The following C1orf52 variants were observed in gnomAD, a reference collection of about 807,000 sequenced individuals.
The protein encoded by C1orf52 is UPF0690 protein C1orf52.
Under a neutral mutation model 17.2 loss-of-function variants are expected in C1orf52, and 5 were observed. That is an observed-to-expected ratio of 0.29 (90% CI 0.15 to 0.61). The LOEUF is 0.61. Among genes scored for constraint, C1orf52 ranks in the 20% least tolerant of loss-of-function variants. C1orf52 has a pLI of 0.85. For synonymous variants in C1orf52, 110 were observed against 88.0 expected (o/e 1.25, Z -1.40); for missense variants, 245 against 234.1 (o/e 1.05, Z -0.30).
At position 85,252,261 on chromosome 1, in the gene C1orf52, CT is replaced by C; in HGVS notation, c.*367del. On this transcript the variant is annotated 3_prime_UTR_variant, in exon 3 of 3. Transcript: ENST00000471115. ...TGTACAAAGACTGTTGAAAAGCACC[CT>C]ACAAGTTCACAGTACATTACAATAT... The C allele has an allele frequency of 5.0e-6, 1 of 199,496 alleles. No individual in the cohort carries two copies. 12.4% of individuals were successfully genotyped at this position (199,496 alleles called of 1,614,324 possible).
intron 2 of C1orf52, among the ~76,000 whole-genome samples, chr1:85,254,351 A>C (rs935837621): frequency 3.3e-5 from 5 of 152,154 alleles, no homozygotes; most frequent in African/African-American, 9.7e-5. Context: ...TGGCTCCACA[A>C]ACCAAATAAC....
chr1:85,257,333 T>C, intron 2 of C1orf52: 1 of 640,008 alleles, frequency 1.6e-6, no homozygotes, highest in South Asian at 1.8e-5. Flanking sequence ...ACCTGAGATT[T>C]CTTCTTTTGA....
At chr1:85,259,110 G>C (rs1660023093) in intron 1 of C1orf52, 10 of 1,341,470 alleles carry the variant, frequency 7.5e-6, no homozygotes, top group South Asian at 3.3e-5. Flanking sequence ...CTCGCCGCGC[G>C]GGGTCGGGGC....
At chr1:85,256,814 A>AAAAAAAAAAAG (rs1553178011) in intron 2 of C1orf52, among the ~76,000 whole-genome samples, 54 of 108,182 alleles carry the variant, frequency 5.0e-4, no homozygotes, top group African/African-American at 6.6e-4. Context: ...AAAAAAAAAA[A>AAAAAAAAAAAG]AAAAGAAAAG....
chr1:85,259,393 C>G lies in C1orf52; in HGVS notation c.241G>C (p.Asp81His), dbSNP rs1258214936. 4 of 1,613,880 alleles carry G rather than the reference C, an allele frequency of 2.5e-6. No homozygotes were observed. In the East Asian group the frequency reaches 8.9e-5, roughly 36 times the overall value. ...GCCTTGACGACGTGCCTCTCCCAGT[C>G]TATCTGTTTGTTGAGCGGATTGTAG... ...FLYNPLNKQI[D>H]WERHVVKAPE... Residue 81 changes from aspartate (D) to histidine (H), a missense_variant, in exon 1 of 3, where the codon GAC becomes CAC. By Grantham distance (81) the Asp-to-His change is moderately conservative. Coordinates refer to ENST00000471115, the MANE Select transcript of C1orf52 (RefSeq NM_198077.4).
In C1orf52 at chr1:85,251,006, C is replaced by T. The variant is rs899779972; in HGVS notation, c.*1623G>A. ...GCTATAGAATTGGTTTTTCTAAACT[C>T]GATGATATACTGGAAGCCATCATGC... is the stretch of plus-strand genomic sequence containing the variant. On this transcript the variant is annotated 3_prime_UTR_variant, in exon 3 of 3. Coordinates refer to ENST00000471115, the MANE Select transcript of C1orf52 (RefSeq NM_198077.4). 5 of 152,238 alleles carry T rather than the reference C, an allele frequency of 3.3e-5. No homozygotes were observed. The highest frequency in any genetic ancestry group is 3.9e-4 in the East Asian group (2 of 5,186). 9.4% of individuals were successfully genotyped at this position (152,238 alleles called of 1,614,324 possible). A position where few individuals can be genotyped will look rare whatever the true frequency, so the allele number is the denominator to read the frequency against.
intron 2 of C1orf52, among the ~76,000 whole-genome samples, chr1:85,256,675 T>C (rs868023042): frequency 2.0e-5 from 3 of 151,706 alleles, no homozygotes; most frequent in Non-Finnish European, 4.4e-5. Context: ...GGCAGGCACC[T>C]GCAGTCCCAG....
chr1:85,256,814 A>AAAAG (rs558555225), intron 2 of C1orf52, among the ~76,000 whole-genome samples: 24,976 of 104,636 alleles, frequency 0.24, 2,090 homozygotes, highest in Middle Eastern at 0.27. Context: ...AAAAAAAAAA[A>AAAAG]AAAAGAAAAG....
rs201037183 is a variant in C1orf52 at position 85,252,625 on chromosome 1, G to C, written c.*4C>G. On this transcript the variant is annotated 3_prime_UTR_variant, in exon 3 of 3. Transcript: ENST00000471115. ...AGCAGTACAGAAATTCTGGTCATTT[G>C]TTTCTACTTTTTCTTCTTTGCTGGT... is the stretch of plus-strand genomic sequence containing the variant. The C allele has an allele frequency of 2.6e-5, 42 of 1,612,250 alleles. No homozygotes were observed. The East Asian group carries it at 9.4e-4, about 36-fold the overall frequency.
rs144633752 is a variant in C1orf52, at chr1:85,255,916, G to A, written c.475+2608C>T. On this transcript the variant is annotated intron_variant, in intron 2 of 2. Transcript: ENST00000471115. ...ACAGAAATTATCTATGTGAATAGCA[G>A]TGTTACCTGCCACATATTTGGAACT... 3.0e-3 allele frequency among the ~76,000 whole-genome samples: 459 copies of A among 152,338 alleles called. 2 individuals carry two copies. Among genetic ancestry groups the A allele is most frequent in the African/African-American group, 0.011 (441 of 41,574 alleles).
At position 85,251,805 on chromosome 1, in the gene C1orf52, C is replaced by T. The variant is rs917621320; in HGVS notation, c.*824G>A. ...CAGGAGAGGAAAAGATCTCTACTAA[C>T]GGATCTCCAGGTACAACAGAAAAAA... On this transcript the variant is annotated 3_prime_UTR_variant, in exon 3 of 3. Coordinates refer to ENST00000471115, the MANE Select transcript of C1orf52 (RefSeq NM_198077.4). The T allele has an allele frequency of 1.3e-5, 2 of 152,146 alleles. No individual in the cohort carries two copies. The highest frequency in any genetic ancestry group is 4.8e-5 in the African/African-American group (2 of 41,426). 9.4% of individuals were successfully genotyped at this position (152,146 alleles called of 1,614,324 possible).
chr1:85,250,603 G>C lies in C1orf52; in HGVS notation c.*2026C>G, dbSNP rs893708448. 6.6e-6 allele frequency: 1 copy of C among 152,188 alleles called. No homozygotes were observed. The highest frequency in any genetic ancestry group is 1.5e-5 in the Non-Finnish European group (1 of 68,018). 9.4% of individuals were successfully genotyped at this position (152,188 alleles called of 1,614,324 possible). A position where few individuals can be genotyped will look rare whatever the true frequency, so the allele number is the denominator to read the frequency against. ...CCAAAATATTTAGCCTCTTCCCTAAGTCCTGTCTTCCTCCTCATACAACAT... is the reference window on the plus strand; with the variant it reads ...CCAAAATATTTAGCCTCTTCCCTAACTCCTGTCTTCCTCCTCATACAACAT... On this transcript the variant is annotated 3_prime_UTR_variant, in exon 3 of 3. Transcript: ENST00000471115.
At chr1:85,259,237 T>G in intron 1 of C1orf52, 121 bp downstream of exon 1, 1 of 1,168,222 alleles carries the variant, frequency 8.6e-7, no homozygotes, top group Non-Finnish European at 1.1e-6. Flanking sequence ...GAGGGGGTGG[T>G]GCGGCATCCC....
In C1orf52 at chr1:85,252,477, C is replaced by A. The variant is rs12068494; in HGVS notation, c.*152G>T. 1 of 608,274 alleles carries A rather than the reference C, an allele frequency of 1.6e-6. No homozygotes were observed. Among genetic ancestry groups the A allele is most frequent in the Non-Finnish European group, 2.9e-6 (1 of 348,646 alleles). The allele number at this position is 608,274 out of a possible 1,614,324, so 37.7% of individuals were successfully genotyped here. A position where few individuals can be genotyped will look rare whatever the true frequency, so the allele number is the denominator to read the frequency against. ...ACATGTTTTAAATAAAAAAAGAATT[C>A]TATAGTGGAAAGTTCTTGAGGCAAT... On this transcript the variant is annotated 3_prime_UTR_variant, in exon 3 of 3. Transcript: ENST00000471115.
rs1299303693 is a variant in C1orf52, at chr1:85,250,477, A to C, written c.*2152T>G. On this transcript the variant is annotated 3_prime_UTR_variant, in exon 3 of 3. Transcript: ENST00000471115. The stretch of plus-strand genomic sequence containing the variant: ...GCAAACACGTTCCCAGGACATCTCT[A>C]AAGGGGAAAATAATCTATTCTCTAA... 2.0e-5 allele frequency: 3 copies of C among 152,172 alleles called. No individual in the cohort carries two copies. Among genetic ancestry groups the C allele is most frequent in the African/African-American group, 7.2e-5 (3 of 41,420 alleles). The allele number at this position is 152,172 out of a possible 1,614,324, so 9.4% of individuals were successfully genotyped here.
chr1:85,254,489 TCA>T (rs1659879299), intron 2 of C1orf52, among the ~76,000 whole-genome samples: 1 of 152,074 alleles, frequency 6.6e-6, no homozygotes, highest in Non-Finnish European at 1.5e-5. Flanking sequence ...CCTCCCAGGT[TCA>T]CGCCATTCTC....
At position 85,251,982 on chromosome 1, in the gene C1orf52, C is replaced by G. The variant is rs946077946; in HGVS notation, c.*647G>C. 1 of 152,176 alleles carries G rather than the reference C, an allele frequency of 6.6e-6. No individual in the cohort carries two copies. Among genetic ancestry groups the G allele is most frequent in the Admixed American group, 6.5e-5 (1 of 15,282 alleles). 9.4% of individuals were successfully genotyped at this position (152,176 alleles called of 1,614,324 possible). ...CACTAGCTGTGTAACATCAGACAAG[C>G]TACTCAAGCACTCTTTATTATAAAA... On this transcript the variant is annotated 3_prime_UTR_variant, in exon 3 of 3. Coordinates refer to ENST00000471115, the MANE Select transcript of C1orf52 (RefSeq NM_198077.4).
In C1orf52 at chr1:85,252,058, T is replaced by G. The variant is rs1659813668; in HGVS notation, c.*571A>C. 6.6e-6 allele frequency: 1 copy of G among 152,256 alleles called. No homozygotes were observed. The highest frequency in any genetic ancestry group is 1.5e-5 in the Non-Finnish European group (1 of 68,086). The allele number at this position is 152,256 out of a possible 1,614,324, so 9.4% of individuals were successfully genotyped here. A position where few individuals can be genotyped will look rare whatever the true frequency, so the allele number is the denominator to read the frequency against. Reference sequence around the variant, plus strand: ...TAGGTTGTTTAAGGATCAGAGAAAATATATGCACAAAGCACCTGGAACACA... The same window carrying G: ...TAGGTTGTTTAAGGATCAGAGAAAAGATATGCACAAAGCACCTGGAACACA... On this transcript the variant is annotated 3_prime_UTR_variant, in exon 3 of 3. Coordinates refer to ENST00000471115, the MANE Select transcript of C1orf52 (RefSeq NM_198077.4).
At chr1:85,258,772 G>C (rs1467059537) in intron 1 of C1orf52, 50 bp from the exon 2 acceptor site, 4 of 1,507,400 alleles carry the variant, frequency 2.7e-6, no homozygotes, top group African/African-American at 1.4e-5. Context: ...AGGTTCCTAC[G>C]ATGGACGTGG....
Sources: gnomAD v4.1 joint callset for allele counts (sites outside exome capture counted in the v4.1 genomes callset) on GRCh38, gnomAD v4.1.1 for gene constraint, MANE v1.5 for transcripts, NCBI Gene and HGNC (gene_info 2026-07-23, HGNC 2026-07-21) for gene names.